EIPR1: variants seen among roughly 807,000 people sequenced by gnomAD.
EIPR1 encodes EARP complex and GARP complex interacting protein 1.
In EIPR1, 25 loss-of-function variants were observed where a neutral mutation model predicts 48.1. The observed-to-expected ratio is 0.52, with a 90% CI of 0.38 to 0.73. The LOEUF is 0.73. Among genes scored for constraint, EIPR1 ranks in the 30% least tolerant of loss-of-function variants. The pLI, the probability that EIPR1 is intolerant of heterozygous loss-of-function variation, is 0.00. For missense variants in EIPR1, 415 were observed against 506.2 expected, an observed-to-expected ratio of 0.82 and a Z score of 1.73; for synonymous variants, 204 against 201.9, an observed-to-expected ratio of 1.01 and a Z score of -0.09.
intron 4 of EIPR1, among the ~76,000 whole-genome samples, chr2:3,239,952 G>T (rs1336479695): frequency 1.3e-5 from 2 of 152,258 alleles, no homozygotes; most frequent in South Asian, 4.1e-4. Flanking sequence ...AAAGCCAGCA[G>T]ACCCTTCCTA....
chr2:3,211,860 GCA>G (rs1406556217), intron 5 of EIPR1, among the ~76,000 whole-genome samples: 2 of 152,240 alleles, frequency 1.3e-5, no homozygotes, highest in Non-Finnish European at 2.9e-5. Flanking sequence ...AGATGAATGA[GCA>G]CACACAGACA....
rs554804394 is a variant in EIPR1 at position 3,209,604 on chromosome 2, A to G, written c.516+4545T>C. On this transcript the variant is annotated intron_variant, in intron 5 of 8. Coordinates refer to ENST00000382125, the MANE Select transcript of EIPR1 (RefSeq NM_003310.5). ...CATCTCAGCTCTCAGCCCTGGGACAAGGGACAATGCATAAAAGGAAAGACC... is the reference window on the plus strand; with the variant it reads ...CATCTCAGCTCTCAGCCCTGGGACAGGGGACAATGCATAAAAGGAAAGACC... Among the ~76,000 whole-genome samples the G allele has an allele frequency of 1.4e-4, 21 of 152,354 alleles. No homozygotes were observed. In the South Asian group the frequency reaches 4.4e-3, roughly 32 times the overall value.
rs190856378 is a variant in EIPR1, at chr2:3,262,124, A to C, written c.260-4669T>G. On this transcript the variant is annotated intron_variant, in intron 3 of 8. Transcript: ENST00000382125. ...ACATGATGTGTGTACACAGACCGTCAAATGCACGCTGTCCTATCCCAATGA... is the reference window on the plus strand; with the variant it reads ...ACATGATGTGTGTACACAGACCGTCCAATGCACGCTGTCCTATCCCAATGA... 4 of 151,980 alleles carry C rather than the reference A, an allele frequency of 2.6e-5. No individual in the cohort carries two copies. The East Asian group carries it at 7.7e-4, about 29-fold the overall frequency. 9.4% of individuals were successfully genotyped at this position (151,980 alleles called of 1,614,324 possible).
intron 3 of EIPR1, among the ~76,000 whole-genome samples, chr2:3,315,166 TCACCACCCCC>T (rs1669252658): frequency 8.3e-3 from 1 of 120 alleles, no homozygotes; most frequent in East Asian, 0.12. Flanking sequence ...CCTACCATCA[TCACCACCCCC>T]TACCACCACC....
chr2:3,304,731 A>G (rs1265532181), intron 3 of EIPR1, among the ~76,000 whole-genome samples: 16 of 99,330 alleles, frequency 1.6e-4, no homozygotes, highest in Middle Eastern at 8.2e-3. Flanking sequence ...GTCCCGTCCA[A>G]TTCAGCCCTC....
intron 4 of EIPR1, among the ~76,000 whole-genome samples, chr2:3,245,190 G>A (rs1255562891): frequency 1.4e-4 from 4 of 28,074 alleles, no homozygotes; most frequent in African/African-American, 3.3e-4. Flanking sequence ...TTACTTTACC[G>A]TTGCGTTGCG....
At chr2:3,293,704 C>CG (rs1668440543) in intron 3 of EIPR1, among the ~76,000 whole-genome samples, 1 of 152,208 alleles carries the variant, frequency 6.6e-6, no homozygotes, top group Non-Finnish European at 1.5e-5. Flanking sequence ...GTGGCCACAG[C>CG]AGCAGGTAAA....
rs115661898 is a variant in EIPR1 at position 3,190,177 on chromosome 2, C to T, written c.990-669G>A. 7.7e-3 allele frequency among the ~76,000 whole-genome samples: 1,171 copies of T among 152,296 alleles called. 10 individuals are homozygous for T. The highest frequency in any genetic ancestry group is 0.01 in the Admixed American group (160 of 15,306). ...GAGCCCTGACCAGGGGATCCTCACA[C>T]AAGAAGCACCACTTCCTCAGCACAG... On this transcript the variant is annotated intron_variant, in intron 8 of 8. Coordinates refer to ENST00000382125, the MANE Select transcript of EIPR1 (RefSeq NM_003310.5).
At chr2:3,197,780 C>T (rs1664861597) in intron 5 of EIPR1, among the ~76,000 whole-genome samples, 1 of 152,252 alleles carries the variant, frequency 6.6e-6, no homozygotes, top group Non-Finnish European at 1.5e-5. Flanking sequence ...TCTGTCACAC[C>T]TGCCCCCAAG....
intron 3 of EIPR1, among the ~76,000 whole-genome samples, chr2:3,323,860 G>C (rs765539504): frequency 2.6e-5 from 4 of 152,222 alleles, no homozygotes; most frequent in African/African-American, 9.6e-5. Context: ...AGCACAGTGC[G>C]TGGCACAGGC....
At chr2:3,370,417 G>A (rs534401860) in intron 1 of EIPR1, among the ~76,000 whole-genome samples, 1 of 152,204 alleles carries the variant, frequency 6.6e-6, no homozygotes, top group East Asian at 1.9e-4. Context: ...AGAGAAGAAG[G>A]CTTCAGACGA....
intron 3 of EIPR1, among the ~76,000 whole-genome samples, chr2:3,322,558 A>G (rs947465867): frequency 2.0e-5 from 3 of 152,208 alleles, no homozygotes; most frequent in African/African-American, 7.2e-5. Context: ...GCAAAACTTA[A>G]GTCTCCTAAG....
intron 4 of EIPR1, among the ~76,000 whole-genome samples, chr2:3,220,699 A>G (rs1256598427): frequency 6.6e-6 from 1 of 151,748 alleles, no homozygotes; most frequent in Non-Finnish European, 1.5e-5. Context: ...CAAGCACACA[A>G]TGGCCGAGGT....
chr2:3,357,163 T>G (rs531479966), intron 1 of EIPR1, among the ~76,000 whole-genome samples: 21 of 152,318 alleles, frequency 1.4e-4, no homozygotes, highest in African/African-American at 5.1e-4. Flanking sequence ...CTGAGAAGAT[T>G]CTGCATTCAG....
intron 5 of EIPR1, among the ~76,000 whole-genome samples, chr2:3,211,922 C>A (rs1230687756): frequency 6.6e-6 from 1 of 152,244 alleles, no homozygotes; most frequent in Non-Finnish European, 1.5e-5. Flanking sequence ...CCCCACGGAA[C>A]CTTCCACTCC....
intron 4 of EIPR1, among the ~76,000 whole-genome samples, chr2:3,230,420 C>T (rs529695586): frequency 1.3e-5 from 2 of 152,280 alleles, no homozygotes; most frequent in East Asian, 3.9e-4. Flanking sequence ...ATTCTTTTCC[C>T]ATCGGGGATG....
intron 4 of EIPR1, among the ~76,000 whole-genome samples, chr2:3,252,067 A>G (rs1024452795): frequency 1.3e-5 from 2 of 152,216 alleles, no homozygotes; most frequent in African/African-American, 4.8e-5. Context: ...GCCCTAGCAA[A>G]GGGGCCTCGT....
chr2:3,228,938 C>G (rs1407107493), intron 4 of EIPR1, among the ~76,000 whole-genome samples: 1 of 152,124 alleles, frequency 6.6e-6, no homozygotes, highest in East Asian at 1.9e-4. Flanking sequence ...TATAAATTAC[C>G]TAGTCTCAGG....
At chr2:3,341,095 C>CAGAAAAAAAA (rs1670227227) in intron 2 of EIPR1, among the ~76,000 whole-genome samples, 3 of 22,192 alleles carry the variant, frequency 1.4e-4, no homozygotes, top group African/African-American at 3.9e-4. Context: ...GATCCTGTCT[C>CAGAAAAAAAA]AAAAAAAAAA....
Sources: gnomAD v4.1 joint callset for allele counts (sites outside exome capture counted in the v4.1 genomes callset) on GRCh38, gnomAD v4.1.1 for gene constraint, MANE v1.5 for transcripts, NCBI Gene and HGNC (gene_info 2026-07-23, HGNC 2026-07-21) for gene names.